The following ZDHHC14 variants were observed in gnomAD, a reference collection of about 807,000 sequenced individuals.
The protein encoded by ZDHHC14 is palmitoyltransferase ZDHHC14.
Under a neutral mutation model 47.7 loss-of-function variants are expected in ZDHHC14, and 16 were observed. The ratio of observed to expected loss-of-function variants is 0.34; its 90% CI spans 0.23 to 0.51. The LOEUF is 0.51. ZDHHC14 is among the 20% of genes least tolerant of loss of function. The pLI, the probability that ZDHHC14 is intolerant of heterozygous loss-of-function variation, is 0.97. For missense variants in ZDHHC14, 515 were observed against 662.5 expected (o/e 0.78, Z 2.44); for synonymous variants, 293 against 278.9 (o/e 1.05, Z -0.50).
chr6:157,526,881 G>T (rs922091604), intron 1 of ZDHHC14, among the ~76,000 whole-genome samples: 1 of 152,176 alleles, frequency 6.6e-6, no homozygotes, highest in Non-Finnish European at 1.5e-5. Context: ...ATTTTTATTT[G>T]CTGGCTCATA....
At chr6:157,401,415 A>C (rs1322814559) in intron 1 of ZDHHC14, among the ~76,000 whole-genome samples, 2 of 152,254 alleles carry the variant, frequency 1.3e-5, no homozygotes, top group African/African-American at 2.4e-5. Flanking sequence ...AACTGGTTAA[A>C]ATGCCCTCAT....
chr6:157,617,331 C>T (rs1198200718), intron 3 of ZDHHC14, among the ~76,000 whole-genome samples: 3 of 152,142 alleles, frequency 2.0e-5, no homozygotes, highest in Non-Finnish European at 4.4e-5. Flanking sequence ...GTTGCGTCTT[C>T]AGTTTCAACT....
At chr6:157,512,778 T>C (rs1292133054) in intron 1 of ZDHHC14, among the ~76,000 whole-genome samples, 2 of 152,252 alleles carry the variant, frequency 1.3e-5, no homozygotes, top group African/African-American at 4.8e-5. Context: ...GTATATTTTC[T>C]AATCTGTACA....
intron 3 of ZDHHC14, among the ~76,000 whole-genome samples, chr6:157,600,154 G>C (rs1186203803): frequency 6.6e-6 from 1 of 152,100 alleles, no homozygotes; most frequent in Non-Finnish European, 1.5e-5. Flanking sequence ...CACCAAAATA[G>C]TATAACCCTA....
chr6:157,673,039 A>T lies in ZDHHC14; in HGVS notation c.1384A>T (p.Thr462Ser). Reference protein sequence around the residue: ...AAGSPLAHSRTMHVLGLASQD... With the variant: ...AAGSPLAHSRSMHVLGLASQD... ...GGGCAGCCCCCTGGCGCACAGCCGC[A>T]CCATGCACGTGCTGGGCCTGGCCAG... The change falls in exon 9 of 9, where the codon ACC becomes TCC. Residue 462 changes from threonine (T) to serine (S), a missense_variant. Physicochemically the swap from Thr to Ser is moderately conservative, Grantham distance 58 (BLOSUM62 1). This residue lies in a region of ZDHHC14 where 221 missense variants were observed against 233.6 expected (regional missense o/e 0.95). Coordinates refer to ENST00000359775, the MANE Select transcript of ZDHHC14 (RefSeq NM_024630.3). The surrounding 1 kb of genome is among the most constrained non-coding windows in gnomAD (Gnocchi z 5.4). The T allele has an allele frequency of 6.4e-7, 1 of 1,566,156 alleles. No homozygotes were observed. The highest frequency in any genetic ancestry group is 8.6e-7 in the Non-Finnish European group (1 of 1,162,874).
chr6:157,439,482 T>A (rs1778519475), intron 1 of ZDHHC14, among the ~76,000 whole-genome samples: 1 of 152,186 alleles, frequency 6.6e-6, no homozygotes, highest in Admixed American at 6.5e-5. Context: ...CCAGTCAGAA[T>A]GACCATTATT....
At chr6:157,468,296 G>T (rs1388833200) in intron 1 of ZDHHC14, among the ~76,000 whole-genome samples, 3 of 152,190 alleles carry the variant, frequency 2.0e-5, no homozygotes, top group Non-Finnish European at 2.9e-5. Flanking sequence ...AGTGAATCTG[G>T]CTCTGAACGC....
intron 2 of ZDHHC14, 142 bp from the exon 3 acceptor site, chr6:157,592,846 C>A: frequency 6.8e-7 from 1 of 1,471,944 alleles, no homozygotes; most frequent in Non-Finnish European, 9.0e-7. Flanking sequence ...CCCAGAGCCC[C>A]AGCCTGGGTA....
chr6:157,660,886 G>A (rs1297180400), intron 8 of ZDHHC14, among the ~76,000 whole-genome samples: 1 of 152,250 alleles, frequency 6.6e-6, no homozygotes, highest in Non-Finnish European at 1.5e-5. Context: ...TTTCATTCAA[G>A]TAATACATGG....
intron 1 of ZDHHC14, among the ~76,000 whole-genome samples, chr6:157,413,973 G>T (rs771701467): frequency 1.3e-5 from 2 of 152,134 alleles, no homozygotes; most frequent in African/African-American, 2.4e-5. Context: ...GTCTCACTCT[G>T]TTGCCCAGGC....
intron 8 of ZDHHC14, among the ~76,000 whole-genome samples, chr6:157,664,873 T>C (rs9355866): frequency 0.18 from 27,413 of 150,168 alleles, 2,999 homozygotes; most frequent in East Asian, 0.54. Flanking sequence ...CCTTGGAACC[T>C]CCACTAGGAC....
chr6:157,657,893 A>G (rs1778173852), intron 8 of ZDHHC14, among the ~76,000 whole-genome samples: 1 of 152,184 alleles, frequency 6.6e-6, no homozygotes, highest in Non-Finnish European at 1.5e-5. Context: ...TGGAGACCAG[A>G]CTGCTACCGC....
At chr6:157,589,807 C>G (rs1473386936) in intron 2 of ZDHHC14, among the ~76,000 whole-genome samples, 1 of 152,072 alleles carries the variant, frequency 6.6e-6, no homozygotes, top group Non-Finnish European at 1.5e-5. Flanking sequence ...GTGGAAGCGA[C>G]TTTGGAAGTG....
At chr6:157,628,590 T>G in intron 4 of ZDHHC14, 104 bp downstream of exon 4, 1 of 1,430,904 alleles carries the variant, frequency 7.0e-7, no homozygotes, top group South Asian at 1.3e-5. Context: ...GGCTTTCTCT[T>G]TCCCTTTCTT....
chr6:157,387,532 G>A (rs2114731495), intron 1 of ZDHHC14, among the ~76,000 whole-genome samples: 1 of 152,256 alleles, frequency 6.6e-6, no homozygotes, highest in South Asian at 2.1e-4. Context: ...GAACACCATG[G>A]GGTTGATACA....
intron 1 of ZDHHC14, among the ~76,000 whole-genome samples, chr6:157,499,364 T>G (rs1252726029): frequency 6.6e-6 from 1 of 152,156 alleles, no homozygotes; most frequent in Non-Finnish European, 1.5e-5. Flanking sequence ...CTTCTCCTTG[T>G]GTCCTCGTGT....
intron 3 of ZDHHC14, among the ~76,000 whole-genome samples, chr6:157,602,713 C>T (rs1051017496): frequency 3.3e-5 from 5 of 152,044 alleles, no homozygotes; most frequent in Non-Finnish European, 5.9e-5. Context: ...TCAGGAAGGC[C>T]GGGCTCCTGA....
chr6:157,395,170 T>A (rs1777495323), intron 1 of ZDHHC14, among the ~76,000 whole-genome samples: 4 of 151,166 alleles, frequency 2.6e-5, no homozygotes, highest in Non-Finnish European at 1.5e-5. Context: ...TATTTTTATT[T>A]ATTTTTTTAA....
chr6:157,402,577 C>T (rs1213009832), intron 1 of ZDHHC14, among the ~76,000 whole-genome samples: 1 of 152,242 alleles, frequency 6.6e-6, no homozygotes, highest in African/African-American at 2.4e-5. Flanking sequence ...TGGTCCCTAT[C>T]ATCGTGTCAA....
Sources: gnomAD v4.1 joint callset for allele counts (sites outside exome capture counted in the v4.1 genomes callset) on GRCh38, gnomAD v4.1.1 for gene constraint, gnomAD v4.1.1 regional missense constraint, Gnocchi (gnomAD v3.1) non-coding constraint, MANE v1.5 for transcripts, NCBI Gene and HGNC (gene_info 2026-07-23, HGNC 2026-07-21) for gene names.